The following CNTLN variants were observed in gnomAD, a reference collection of about 807,000 sequenced individuals.
CNTLN encodes centlein.
In CNTLN, 212 loss-of-function variants were observed where a neutral mutation model predicts 180.0. The ratio of observed to expected loss-of-function variants is 1.18; its 90% CI spans 1.05 to 1.32. CNTLN has a LOEUF of 1.32. Among genes scored for constraint, CNTLN ranks in the 40% most tolerant of loss-of-function variants. CNTLN has a pLI of 0.00. For missense variants in CNTLN, 2,095 were observed against 1,610.9 expected, an observed-to-expected ratio of 1.30 and a Z score of -5.14; for synonymous variants, 722 against 563.1, an observed-to-expected ratio of 1.28 and a Z score of -3.99.
intron 12 of CNTLN, among the ~76,000 whole-genome samples, chr9:17,366,247 T>C (rs1292859702): frequency 6.6e-6 from 1 of 152,138 alleles, no homozygotes; most frequent in Non-Finnish European, 1.5e-5. Flanking sequence ...TGCCTCAGCA[T>C]CCCAAGTAGC....
Position 17,457,694 on chromosome 9 carries a change from G to T in CNTLN, c.3285G>T (p.Lys1095Asn). ...SPSRSMDLEM[K>N]QLQYKLKNAT... is the part of the protein sequence containing the mutation. ...CAAGGAGCATGGATTTGGAAATGAA[G>T]CAATTGCAGTATAAACTAAAGGTGA... The change falls in exon 19 of 26, where the codon AAG (lysine) becomes AAT (asparagine). Residue 1095 changes from lysine to asparagine, a missense_variant. Lys to Asn is a moderately conservative substitution (Grantham distance 94, BLOSUM62 0). Transcript: ENST00000380647. 1 of 1,493,340 alleles carries T rather than the reference G, an allele frequency of 6.7e-7. No homozygotes were observed. The highest frequency in any genetic ancestry group is 2.0e-5 in the Admixed American group (1 of 49,302). 92.5% of individuals were successfully genotyped at this position (1,493,340 alleles called of 1,614,324 possible).
intron 2 of CNTLN, among the ~76,000 whole-genome samples, chr9:17,219,302 A>G (rs1823977300): frequency 6.6e-6 from 1 of 151,004 alleles, no homozygotes; most frequent in Non-Finnish European, 1.5e-5. Flanking sequence ...ACATGTATTA[A>G]TTGAATTGAC....
At chr9:17,203,618 G>A (rs894540868) in intron 2 of CNTLN, among the ~76,000 whole-genome samples, 14 of 152,136 alleles carry the variant, frequency 9.2e-5, no homozygotes, top group African/African-American at 2.7e-4. Context: ...GTGCAGTGGC[G>A]CGATCTCGGC....
intron 5 of CNTLN, among the ~76,000 whole-genome samples, chr9:17,263,894 G>GT (rs971774317): frequency 7.4e-6 from 1 of 135,432 alleles, no homozygotes; most frequent in East Asian, 2.4e-4. Context: ...GGGGTTGTTT[G>GT]TTTTTTTCTT....
chr9:17,365,846 T>C (rs562977425), intron 12 of CNTLN, among the ~76,000 whole-genome samples: 1 of 152,188 alleles, frequency 6.6e-6, no homozygotes, highest in South Asian at 2.1e-4. Flanking sequence ...CTTAGGAGGC[T>C]GAGGTGGGAG....
chr9:17,257,183 G>A (rs1826565463), intron 5 of CNTLN, among the ~76,000 whole-genome samples: 1 of 151,160 alleles, frequency 6.6e-6, no homozygotes, highest in Admixed American at 6.6e-5. Context: ...GTGTCCATGT[G>A]ATCTCATTGT....
At chr9:17,214,041 T>G (rs1213524935) in intron 2 of CNTLN, among the ~76,000 whole-genome samples, 1 of 152,206 alleles carries the variant, frequency 6.6e-6, no homozygotes, top group Admixed American at 6.5e-5. Flanking sequence ...ATTGGAGCAT[T>G]TAGCCCATTT....
chr9:17,297,514 G>A (rs968448169), intron 6 of CNTLN, among the ~76,000 whole-genome samples: 1 of 152,088 alleles, frequency 6.6e-6, no homozygotes, highest in African/African-American at 2.4e-5. Context: ...CTATCTCAAA[G>A]GTGTAGTTCT....
At chr9:17,210,247 T>A (rs916962474) in intron 2 of CNTLN, among the ~76,000 whole-genome samples, 3 of 152,078 alleles carry the variant, frequency 2.0e-5, no homozygotes, top group Non-Finnish European at 4.4e-5. Flanking sequence ...CGGTGTGTAA[T>A]GTTGCCGTTC....
chr9:17,269,602 T>C (rs1827785678), intron 5 of CNTLN, among the ~76,000 whole-genome samples: 1 of 152,192 alleles, frequency 6.6e-6, no homozygotes, highest in Admixed American at 6.5e-5. Flanking sequence ...AATTGATTTC[T>C]GGTTTTATTA....
At chr9:17,347,672 T>TTAA (rs1385063902) in intron 12 of CNTLN, among the ~76,000 whole-genome samples, 1 of 21,362 alleles carries the variant, frequency 4.7e-5, no homozygotes, top group South Asian at 1.4e-3. Flanking sequence ...GACTCTTGTC[T>TTAA]CAAAAAAAAA....
intron 13 of CNTLN, among the ~76,000 whole-genome samples, chr9:17,387,683 T>C (rs573705056): frequency 6.6e-5 from 10 of 151,986 alleles, no homozygotes; most frequent in Non-Finnish European, 1.0e-4. Flanking sequence ...GATCCTTCAC[T>C]TGAAAAAAAG....
At chr9:17,343,037 C>G (rs935882399) in intron 12 of CNTLN, among the ~76,000 whole-genome samples, 1 of 152,204 alleles carries the variant, frequency 6.6e-6, no homozygotes, top group Non-Finnish European at 1.5e-5. Context: ...TTCTTTCTTG[C>G]TGTGCCCTGC....
chr9:17,345,656 C>G (rs1027845118), intron 12 of CNTLN, among the ~76,000 whole-genome samples: 1 of 151,662 alleles, frequency 6.6e-6, no homozygotes, highest in African/African-American at 2.4e-5. Context: ...CATTTACATA[C>G]CTTTACCCTT....
intron 2 of CNTLN, among the ~76,000 whole-genome samples, chr9:17,162,984 A>G (rs887932386): frequency 6.6e-6 from 1 of 152,202 alleles, no homozygotes; most frequent in African/African-American, 2.4e-5. Context: ...TGGGTAATTT[A>G]TAAAGGAAAA....
chr9:17,139,881 T>G (rs1264115524), intron 1 of CNTLN, among the ~76,000 whole-genome samples: 1 of 152,042 alleles, frequency 6.6e-6, no homozygotes, highest in African/African-American at 2.4e-5. Flanking sequence ...AGTTTTGCAT[T>G]TTTTGTAGAG....
At chr9:17,347,292 C>T (rs1319852172) in intron 12 of CNTLN, among the ~76,000 whole-genome samples, 1 of 152,074 alleles carries the variant, frequency 6.6e-6, no homozygotes, top group African/African-American at 2.4e-5. Flanking sequence ...TTAATTGTCT[C>T]CTGGACATGT....
chr9:17,369,027 C>T lies in CNTLN; in HGVS notation c.1987+2310C>T, dbSNP rs533529460. Among the ~76,000 whole-genome samples, 46 of 152,302 alleles carry T rather than the reference C, an allele frequency of 3.0e-4. 1 individual carries two copies. The highest frequency in any genetic ancestry group is 1.0e-3 in the African/African-American group (42 of 41,568). ...TCAAGACTATCCAAGTGATAGGTTA[C>T]GCTTTGTGTCCCCACCCCAGACTCA... On this transcript the variant is annotated intron_variant, in intron 13 of 25. Transcript: ENST00000380647.
At chr9:17,328,367 A>G (rs1820438832) in intron 8 of CNTLN, among the ~76,000 whole-genome samples, 1 of 152,164 alleles carries the variant, frequency 6.6e-6, no homozygotes, top group Non-Finnish European at 1.5e-5. Flanking sequence ...TCTCCTTAGA[A>G]ATCCTAATTC....
Sources: allele counts gnomAD v4.1 joint callset (sites outside exome capture counted in the v4.1 genomes callset), GRCh38; gene constraint gnomAD v4.1.1; transcripts MANE v1.5; gene names NCBI Gene and HGNC (gene_info 2026-07-23, HGNC 2026-07-21).